Variants in PKIG observed in about 807,000 individuals in gnomAD.
The protein encoded by PKIG is protein kinase (cAMP-dependent, catalytic) inhibitor gamma.
Under a neutral mutation model 6.8 loss-of-function variants are expected in PKIG, and 1 was observed. The observed-to-expected ratio is 0.15, with a 90% CI of 0.05 to 0.69. PKIG has a LOEUF of 0.69. PKIG is among the 30% of genes least tolerant of loss of function. The probability of loss-of-function intolerance (pLI) is 0.82; values close to 1 mark genes in which losing one functional copy is unlikely to be tolerated. For missense variants in PKIG, 77 were observed against 104.0 expected (o/e 0.74, Z 1.13); for synonymous variants, 39 against 43.0 (o/e 0.91, Z 0.36).
chr20:44,552,326 C>T (rs1271825943), intron 1 of PKIG, among the ~76,000 whole-genome samples: 2 of 152,184 alleles, frequency 1.3e-5, no homozygotes, highest in East Asian at 3.8e-4. Context: ...TTGTGTGTTT[C>T]CCTTTTCTTC....
Position 44,614,872 on chromosome 20 carries a change from G to C in PKIG, c.151+165G>C. ...GCAGAGTCCAGCAATCTCTAGGTTG[G>C]AAGATGTTTGAGTCTCAGGCCCCAA... On this transcript the variant is annotated intron_variant, in intron 3 of 3. Coordinates refer to ENST00000372886, the MANE Select transcript of PKIG (RefSeq NM_001281445.2). The surrounding 1 kb of genome is among the most constrained non-coding windows in gnomAD (Gnocchi z 4.6). The C allele has an allele frequency of 1.4e-6, 1 of 691,796 alleles. No individual in the cohort carries two copies. Among genetic ancestry groups the C allele is most frequent in the African/African-American group, 1.8e-5 (1 of 55,554 alleles). 42.9% of individuals were successfully genotyped at this position (691,796 alleles called of 1,614,324 possible). A position where few individuals can be genotyped will look rare whatever the true frequency, so the allele number is the denominator to read the frequency against.
intron 3 of PKIG, 90 bp from the exon 4 acceptor site, chr20:44,618,195 C>A: frequency 1.2e-6 from 1 of 831,400 alleles, no homozygotes; most frequent in Non-Finnish European, 2.1e-6. Flanking sequence ...ATATCCACTG[C>A]TATCAGTTTG....
At chr20:44,605,470 AAT>A (rs375805908) in intron 2 of PKIG, among the ~76,000 whole-genome samples, 2 of 151,946 alleles carry the variant, frequency 1.3e-5, no homozygotes, top group African/African-American at 4.8e-5. Flanking sequence ...TGTATGTAAC[AAT>A]GATAGCTTTT....
At chr20:44,534,332 T>G (rs974692696) in intron 1 of PKIG, among the ~76,000 whole-genome samples, 2 of 152,240 alleles carry the variant, frequency 1.3e-5, no homozygotes, top group Non-Finnish European at 2.9e-5. Flanking sequence ...GCCAGGTTAT[T>G]CCTGAAAGGA....
intron 1 of PKIG, among the ~76,000 whole-genome samples, chr20:44,570,969 C>G (rs774249270): frequency 4.6e-5 from 7 of 152,162 alleles, no homozygotes; most frequent in Non-Finnish European, 8.8e-5. Flanking sequence ...CACCGTGGCT[C>G]ACGCCTGTAA....
intron 1 of PKIG, among the ~76,000 whole-genome samples, chr20:44,556,655 G>T (rs1034356958): frequency 1.2e-4 from 19 of 152,244 alleles, no homozygotes; most frequent in Non-Finnish European, 2.6e-4. Flanking sequence ...GAGCCACCGC[G>T]CCTGGCCAAT....
chr20:44,541,909 G>A (rs1055699960), intron 1 of PKIG, among the ~76,000 whole-genome samples: 2 of 151,962 alleles, frequency 1.3e-5, no homozygotes, highest in African/African-American at 2.4e-5. Flanking sequence ...GGCTGGTCTT[G>A]AACTCTTGAC....
intron 2 of PKIG, among the ~76,000 whole-genome samples, chr20:44,592,674 G>A (rs1465204457): frequency 6.6e-6 from 1 of 152,176 alleles, no homozygotes; most frequent in Non-Finnish European, 1.5e-5. Context: ...CGTGGACACT[G>A]AAGTCACTCC....
chr20:44,570,117 C>T (rs142731749), intron 1 of PKIG, among the ~76,000 whole-genome samples: 134 of 152,266 alleles, frequency 8.8e-4, no homozygotes, highest in African/African-American at 3.1e-3. Context: ...AGTTACAGTG[C>T]AAGACCCTGT....
intron 1 of PKIG, among the ~76,000 whole-genome samples, chr20:44,588,150 A>G (rs1036452017): frequency 2.0e-5 from 3 of 152,226 alleles, no homozygotes; most frequent in Non-Finnish European, 4.4e-5. Flanking sequence ...TTTTTCATGT[A>G]TTTAGCCAAT....
intron 2 of PKIG, among the ~76,000 whole-genome samples, chr20:44,606,364 A>G (rs1169385898): frequency 6.6e-6 from 1 of 152,244 alleles, no homozygotes; most frequent in East Asian, 1.9e-4. Flanking sequence ...GGTGAAGGAA[A>G]GTGCTCATCT....
At chr20:44,563,273 T>G (rs758812846) in intron 1 of PKIG, among the ~76,000 whole-genome samples, 3 of 152,196 alleles carry the variant, frequency 2.0e-5, no homozygotes, top group Non-Finnish European at 4.4e-5. Flanking sequence ...TACATTTTAC[T>G]ATGAAAAATT....
intron 2 of PKIG, among the ~76,000 whole-genome samples, chr20:44,602,580 C>A (rs1028892935): frequency 6.6e-6 from 1 of 151,848 alleles, no homozygotes; most frequent in Non-Finnish European, 1.5e-5. Flanking sequence ...TGCCTGTAAT[C>A]CCAGCACTTT....
At chr20:44,559,779 A>G (rs1221050156) in intron 1 of PKIG, among the ~76,000 whole-genome samples, 1 of 152,262 alleles carries the variant, frequency 6.6e-6, no homozygotes, top group Non-Finnish European at 1.5e-5. Flanking sequence ...TCAGATTGTC[A>G]TATTCAATTT....
chr20:44,603,785 A>G (rs2065141817), intron 2 of PKIG, among the ~76,000 whole-genome samples: 1 of 152,088 alleles, frequency 6.6e-6, no homozygotes, highest in South Asian at 2.1e-4. Context: ...TCCCTGCTGG[A>G]GATAGGTCAT....
At chr20:44,603,803 T>C (rs2065142103) in intron 2 of PKIG, among the ~76,000 whole-genome samples, 1 of 152,086 alleles carries the variant, frequency 6.6e-6, no homozygotes, top group South Asian at 2.1e-4. Context: ...CATGGGCTGT[T>C]GGAAGTAAAG....
intron 1 of PKIG, among the ~76,000 whole-genome samples, chr20:44,583,233 A>G (rs934775171): frequency 1.3e-5 from 2 of 152,206 alleles, no homozygotes; most frequent in African/African-American, 4.8e-5. Context: ...TGAATTTACC[A>G]CATATAAACC....
At chr20:44,554,801 T>G (rs1028305090) in intron 1 of PKIG, among the ~76,000 whole-genome samples, 4 of 152,212 alleles carry the variant, frequency 2.6e-5, no homozygotes, top group Admixed American at 2.0e-4. Flanking sequence ...CCAGGCTACC[T>G]GCAGTTTGAA....
At chr20:44,537,803 C>T (rs1202972181) in intron 1 of PKIG, among the ~76,000 whole-genome samples, 1 of 147,698 alleles carries the variant, frequency 6.8e-6, no homozygotes, top group South Asian at 2.2e-4. Context: ...CCAGGCTGGT[C>T]TCAAACTCCT....
Sources: allele counts gnomAD v4.1 joint callset (sites outside exome capture counted in the v4.1 genomes callset), GRCh38; gene constraint gnomAD v4.1.1; non-coding constraint Gnocchi (gnomAD v3.1); transcripts MANE v1.5; gene names NCBI Gene and HGNC (gene_info 2026-07-23, HGNC 2026-07-21).